The following SERINC2 variants were observed in gnomAD, a reference collection of about 807,000 sequenced individuals.
SERINC2 encodes tumor differentially expressed protein 2.
A neutral mutation model predicts 54.2 loss-of-function variants in SERINC2; 56 were observed. The ratio of observed to expected loss-of-function variants is 1.03; its 90% CI spans 0.83 to 1.29. The LOEUF is 1.29. Ranked by LOEUF, SERINC2 falls within the 50% of genes most tolerant of loss-of-function variation. The pLI is 0.00. For missense variants in SERINC2, 614 were observed against 607.4 expected (o/e 1.01, Z -0.12); for synonymous variants, 272 against 253.1 (o/e 1.07, Z -0.71).
chr1:31,433,064 G>A lies in SERINC2; in HGVS notation c.1111G>A (p.Ala371Thr), dbSNP rs782450661. The change falls in exon 9 of 10, where the codon GCC becomes ACC. Residue 371 changes from alanine to threonine, a missense_variant. By Grantham distance (58) the Ala-to-Thr change is moderately conservative. Coordinates refer to ENST00000373709, the MANE Select transcript of SERINC2 (RefSeq NM_178865.5). ...DATQQQQQVAACEGRAFDNEQ... is the reference protein window; with the variant it reads ...DATQQQQQVATCEGRAFDNEQ... ...CACACAGCAGCAGCAGCAGGTGGCAGCCTGTGAGGGCCGGGCCTTTGACAA... is the reference window on the plus strand; with the variant it reads ...CACACAGCAGCAGCAGCAGGTGGCAACCTGTGAGGGCCGGGCCTTTGACAA... The A allele has an allele frequency of 6.8e-6, 11 of 1,613,276 alleles. No homozygotes were observed. The highest frequency in any genetic ancestry group is 5.5e-5 in the South Asian group (5 of 91,092).
rs782200787 is a variant in SERINC2, at chr1:31,433,163, A to G, written c.1210A>G (p.Met404Val). ...GGTGCTGGCCTCACTGCACGTCATG[A>G]TGACGCTCACCAACTGGTACAAGTG... ...CLVLASLHVM[M>V]TLTNWYKPGE... The change falls in exon 9 of 10, where the codon ATG (methionine) becomes GTG (valine). Residue 404 changes from methionine (M) to valine (V), a missense_variant. Coordinates refer to ENST00000373709, the MANE Select transcript of SERINC2 (RefSeq NM_178865.5). The G allele has an allele frequency of 1.6e-5, 26 of 1,613,556 alleles. No homozygotes were observed. The highest frequency in any genetic ancestry group is 2.1e-5 in the Non-Finnish European group (25 of 1,179,980).
intron 6 of SERINC2, among the ~76,000 whole-genome samples, chr1:31,428,549 G>A (rs1167025074): frequency 2.0e-5 from 3 of 152,164 alleles, no homozygotes; most frequent in African/African-American, 7.2e-5. Flanking sequence ...CTCCGCAGGA[G>A]TCCTGTCTGA....
chr1:31,432,166 AGGGT>A (rs1641305232), intron 8 of SERINC2, among the ~76,000 whole-genome samples: 1 of 138,954 alleles, frequency 7.2e-6, no homozygotes, highest in East Asian at 2.4e-4. Context: ...CAGGGTGGAT[AGGGT>A]GGATAGGGTG....
rs1553131831 is a variant in SERINC2, at chr1:31,413,910, A to C, written c.39+606A>C. The C allele has an allele frequency of 1.4e-6, 2 of 1,462,566 alleles. No individual in the cohort carries two copies. The highest frequency in any genetic ancestry group is 9.0e-7 in the Non-Finnish European group (1 of 1,115,222). 90.6% of individuals were successfully genotyped at this position (1,462,566 alleles called of 1,614,324 possible). A position where few individuals can be genotyped will look rare whatever the true frequency, so the allele number is the denominator to read the frequency against. ...CTGCCCGTCCGCCCGTCCGTCCCTC[A>C]GTCTCTCTGCGGTCCCTTTACCGTC... On this transcript the variant is annotated intron_variant, in intron 1 of 9. Coordinates refer to ENST00000373709, the MANE Select transcript of SERINC2 (RefSeq NM_178865.5). This position sits in a 1 kb window ranked among gnomAD's most constrained non-coding sequence, Gnocchi z 5.0.
chr1:31,427,274 TCCAAGA>T (rs1340243113), intron 6 of SERINC2, among the ~76,000 whole-genome samples: 1 of 152,172 alleles, frequency 6.6e-6, no homozygotes, highest in African/African-American at 2.4e-5. Context: ...ACATTTCCAA[TCCAAGA>T]CCATCTGGAA....
At chr1:31,432,020 A>ATAGGGTGGATAGGGTGGT (rs1641260449) in intron 8 of SERINC2, among the ~76,000 whole-genome samples, 2 of 112,494 alleles carry the variant, frequency 1.8e-5, no homozygotes, top group Admixed American at 8.5e-5. Context: ...GATAGGGTGG[A>ATAGGGTGGATAGGGTGGT]CAGGGTGGAC....
At chr1:31,427,288 G>A (rs1282040146) in intron 6 of SERINC2, among the ~76,000 whole-genome samples, 1 of 152,192 alleles carries the variant, frequency 6.6e-6, no homozygotes, top group African/African-American at 2.4e-5. Context: ...AGACCATCTG[G>A]AATAATGGGC....
intron 3 of SERINC2, 23 bp from the exon 4 acceptor site, chr1:31,425,307 C>G: frequency 1.9e-6 from 3 of 1,570,876 alleles, no homozygotes; most frequent in Non-Finnish European, 2.6e-6. Context: ...GCTTCCTTGT[C>G]CATTCCCCGA....
intron 1 of SERINC2, among the ~76,000 whole-genome samples, chr1:31,418,105 C>T (rs1483392941): frequency 3.3e-5 from 5 of 152,116 alleles, no homozygotes; most frequent in East Asian, 1.9e-4. Flanking sequence ...GTGATCCGCC[C>T]GCCTTGGCCT....
chr1:31,431,810 TGGACAG>T (rs1641225984), intron 8 of SERINC2, among the ~76,000 whole-genome samples: 1 of 145,038 alleles, frequency 6.9e-6, no homozygotes, highest in African/African-American at 2.5e-5. Context: ...GTGGACAGGG[TGGACAG>T]GGTGGATAGG....
intron 2 of SERINC2, 70 bp downstream of exon 2, chr1:31,423,924 G>T: frequency 1.4e-6 from 2 of 1,455,874 alleles, no homozygotes; most frequent in South Asian, 2.4e-5. Flanking sequence ...AGAGGGCCCA[G>T]GCTTGGGGTC....
chr1:31,434,657 A>G lies in SERINC2; in HGVS notation c.*458A>G, dbSNP rs1307670634. 1 of 179,044 alleles carries G rather than the reference A, an allele frequency of 5.6e-6. No individual in the cohort carries two copies. The highest frequency in any genetic ancestry group is 1.2e-5 in the Non-Finnish European group (1 of 83,618). The allele number at this position is 179,044 out of a possible 1,614,324, so 11.1% of individuals were successfully genotyped here. On this transcript the variant is annotated 3_prime_UTR_variant, in exon 10 of 10. Coordinates refer to ENST00000373709, the MANE Select transcript of SERINC2 (RefSeq NM_178865.5). ...CTGAGTCTCTAAGACTTTTTCTAAT[A>G]AACAAGCCAGTGCGTGTACCATGTT...
chr1:31,410,841 G>C (rs1230905869), upstream of SERINC2, among the ~76,000 whole-genome samples: 1 of 152,160 alleles, frequency 6.6e-6, no homozygotes, highest in African/African-American at 2.4e-5. Context: ...ATAGGGAGGG[G>C]TTGGGGGTGA....
Position 31,429,536 on chromosome 1 carries a change from C to T in SERINC2, c.1011C>T (p.Ile337=). Residue 337 remains isoleucine (I), a splice_region_variant and synonymous_variant, in exon 8 of 10, where the codon ATC becomes ATT. Coordinates refer to ENST00000373709, the MANE Select transcript of SERINC2 (RefSeq NM_178865.5). ...LIIFLLCTLF[I]SLRSSDHRQV... is the part of the protein sequence containing the mutation. ...TCTTCCTCCTGTGCACCCTCTTCAT[C>T]AGGTATGGCCAGGTCTGGATTCTGG... 3 of 1,601,224 alleles carry T rather than the reference C, an allele frequency of 1.9e-6. No homozygotes were observed. The highest frequency in any genetic ancestry group is 2.6e-6 in the Non-Finnish European group (3 of 1,172,304).
intron 8 of SERINC2, among the ~76,000 whole-genome samples, chr1:31,432,520 G>A (rs557312504): frequency 1.4e-4 from 21 of 152,172 alleles, no homozygotes; most frequent in Middle Eastern, 6.8e-3. Context: ...GCAAATGAGC[G>A]TGATTAATTA....
At chr1:31,414,243 G>T in intron 1 of SERINC2, 2 of 1,343,958 alleles carry the variant, frequency 1.5e-6, no homozygotes, top group Non-Finnish European at 1.9e-6. Flanking sequence ...CGGCTGGGAG[G>T]CCCGTTCTCC....
rs1557501349 is a variant in SERINC2 at position 31,432,113 on chromosome 1, GGGTGGTT to G, written c.1014-853_1014-847del. On this transcript the variant is annotated intron_variant, in intron 8 of 9. Coordinates refer to ENST00000373709, the MANE Select transcript of SERINC2 (RefSeq NM_178865.5). The stretch of plus-strand genomic sequence containing the variant: ...GTGGACAGGGTGGACAGGGTGGATA[GGGTGGTT>G]AGGGTGGATAGGGTGGACAGGGTGG... Among the ~76,000 whole-genome samples the G allele has an allele frequency of 2.3e-4, 30 of 129,336 alleles. 1 individual carries two copies. Among genetic ancestry groups the G allele is most frequent in the Non-Finnish European group, 3.5e-4 (21 of 60,742 alleles). 84.8% of individuals were successfully genotyped at this position (129,336 alleles called of 152,430 possible). A position where few individuals can be genotyped will look rare whatever the true frequency, so the allele number is the denominator to read the frequency against.
chr1:31,432,938 A>C, intron 8 of SERINC2, 29 bp from the exon 9 acceptor site: 1 of 1,559,636 alleles, frequency 6.4e-7, no homozygotes, highest in Non-Finnish European at 8.7e-7. Context: ...AGAGCTATCT[A>C]TTTGCCCACC....
intron 4 of SERINC2, 66 bp from the exon 5 acceptor site, chr1:31,425,710 A>G: frequency 6.4e-7 from 1 of 1,568,254 alleles, no homozygotes; most frequent in Admixed American, 1.7e-5. Flanking sequence ...GTAGCAGAAA[A>G]CGCTTGTTGA....
Sources: gnomAD v4.1 joint callset for allele counts (sites outside exome capture counted in the v4.1 genomes callset) on GRCh38, gnomAD v4.1.1 for gene constraint, Gnocchi (gnomAD v3.1) non-coding constraint, MANE v1.5 for transcripts, NCBI Gene and HGNC (gene_info 2026-07-23, HGNC 2026-07-21) for gene names.